ANKRD26: variants seen among roughly 807,000 people sequenced by gnomAD.
The protein encoded by ANKRD26 is ankyrin repeat domain-containing protein 26.
A neutral mutation model predicts 208.7 loss-of-function variants in ANKRD26; 141 were observed. The ratio of observed to expected loss-of-function variants is 0.68; its 90% confidence interval spans 0.59 to 0.78. The LOEUF (loss-of-function observed/expected upper bound fraction) is 0.78, where lower values mean the gene tolerates loss of function less well. ANKRD26 is among the 30% of genes least tolerant of loss of function. ANKRD26 has a pLI of 0.00. For missense variants in ANKRD26, 1,889 were observed against 1,938.7 expected (o/e 0.97, Z 0.48); for synonymous variants, 636 against 660.4 (o/e 0.96, Z 0.57).
the ANKRD26 span, among the ~76,000 whole-genome samples, chr10:26,962,444 G>A: frequency 5.9e-5 from 9 of 151,910 alleles, no homozygotes; most frequent in Middle Eastern, 3.4e-3. Context: ...GCGTGGTGGC[G>A]GGTGCCTGTA....
the ANKRD26 span, among the ~76,000 whole-genome samples, chr10:26,951,520 ATAC>A: frequency 2.6e-5 from 4 of 152,204 alleles, no homozygotes; most frequent in African/African-American, 9.7e-5. Flanking sequence ...CTCACCTTTT[ATAC>A]TACATTTTAT....
At chr10:26,958,908 G>A in the ANKRD26 span, among the ~76,000 whole-genome samples, 1 of 152,168 alleles carries the variant, frequency 6.6e-6, no homozygotes, top group Admixed American at 6.5e-5. Flanking sequence ...AATAGTTGAA[G>A]TATTGACACT....
At chr10:27,094,623 T>C (rs1487681956) in intron 1 of ANKRD26, among the ~76,000 whole-genome samples, 1 of 152,258 alleles carries the variant, frequency 6.6e-6, no homozygotes, top group African/African-American at 2.4e-5. Context: ...AATTGTTAGA[T>C]ATAATTACCA....
chr10:27,070,535 G>A (rs2135523376), intron 9 of ANKRD26, among the ~76,000 whole-genome samples: 1 of 152,318 alleles, frequency 6.6e-6, no homozygotes, highest in South Asian at 2.1e-4. Flanking sequence ...AGGATTCTGA[G>A]TTTTAGAGAT....
intron 25 of ANKRD26, among the ~76,000 whole-genome samples, chr10:27,032,026 T>G (rs2053878493): frequency 6.6e-6 from 1 of 152,194 alleles, no homozygotes; most frequent in Non-Finnish European, 1.5e-5. Context: ...CCATTAAACA[T>G]TATCCTCTAA....
chr10:27,039,860 GT>G, intron 21 of ANKRD26, 104 bp downstream of exon 21: 2 of 1,063,688 alleles, frequency 1.9e-6, no homozygotes, highest in Non-Finnish European at 2.8e-6. Context: ...AGACTAAGAA[GT>G]TTTCTTCCCT....
intron 5 of ANKRD26, among the ~76,000 whole-genome samples, chr10:27,084,190 C>T (rs1409193843): frequency 2.8e-5 from 4 of 143,998 alleles, no homozygotes; most frequent in South Asian, 4.3e-4. Context: ...TGCACTCCAG[C>T]CTGGGCAACA....
intron 3 of ANKRD26, among the ~76,000 whole-genome samples, chr10:26,985,008 C>T (rs1479360350): frequency 6.6e-6 from 1 of 152,162 alleles, no homozygotes; most frequent in East Asian, 1.9e-4. Flanking sequence ...GGGGACTTCA[C>T]AGAGTGGAAT....
chr10:27,077,162 G>C, intron 9 of ANKRD26, 176 bp downstream of exon 9: 1 of 618,364 alleles, frequency 1.6e-6, no homozygotes, highest in South Asian at 2.0e-5. Context: ...ATGATCAAGT[G>C]GGTTTCATTT....
chr10:27,067,619 G>A (rs1589322433), intron 9 of ANKRD26, among the ~76,000 whole-genome samples: 2 of 152,212 alleles, frequency 1.3e-5, no homozygotes, highest in Admixed American at 1.3e-4. Context: ...GAGCAAGGTG[G>A]GGAGGTGCTG....
the ANKRD26 span, among the ~76,000 whole-genome samples, chr10:26,950,369 CAATT>C: frequency 6.6e-6 from 1 of 152,114 alleles, no homozygotes; most frequent in Non-Finnish European, 1.5e-5. Context: ...AACTGTGAGT[CAATT>C]AAACCTTCCT....
chr10:27,060,110 G>A (rs1411144934), intron 15 of ANKRD26, among the ~76,000 whole-genome samples: 1 of 152,026 alleles, frequency 6.6e-6, no homozygotes, highest in African/African-American at 2.4e-5. Context: ...GGCTGAGGCA[G>A]GAGAATCACT....
the ANKRD26 span, among the ~76,000 whole-genome samples, chr10:26,965,301 A>C: frequency 8.5e-5 from 13 of 152,210 alleles, no homozygotes; most frequent in African/African-American, 2.9e-4. Flanking sequence ...CCAATGGAAC[A>C]GAACAGAGCC....
At chr10:26,951,022 T>C in the ANKRD26 span, among the ~76,000 whole-genome samples, 1 of 67,528 alleles carries the variant, frequency 1.5e-5, no homozygotes, top group African/African-American at 3.3e-5. Flanking sequence ...TCTTTTTCTT[T>C]TTTTTTTTTT....
At chr10:26,999,819 A>C (rs2052680961), downstream of ANKRD26, among the ~76,000 whole-genome samples, 1 of 151,786 alleles carries the variant, frequency 6.6e-6, no homozygotes, top group Non-Finnish European at 1.5e-5. Flanking sequence ...AAAAAAAAAA[A>C]AAAAAAAACC....
the ANKRD26 span, among the ~76,000 whole-genome samples, chr10:26,954,785 G>C: frequency 3.3e-5 from 5 of 152,028 alleles, no homozygotes; most frequent in Admixed American, 2.0e-4. Flanking sequence ...AGAATCTAAA[G>C]CATGTTCAAA....
intron 21 of ANKRD26, among the ~76,000 whole-genome samples, chr10:27,038,927 T>C (rs573484872): frequency 6.6e-6 from 1 of 152,278 alleles, no homozygotes; most frequent in Non-Finnish European, 1.5e-5. Flanking sequence ...TTTATGTTTC[T>C]TTTTTCTGGT....
chr10:26,991,779 C>T (rs1335331319), downstream of ANKRD26: 1 of 152,170 alleles, frequency 6.6e-6, no homozygotes, highest in African/African-American at 2.4e-5. Flanking sequence ...AAAATGGTTG[C>T]ATCCTATTGA....
intron 11 of ANKRD26, chr10:27,066,258 C>A: frequency 3.1e-6 from 1 of 318,660 alleles, no homozygotes; most frequent in Non-Finnish European, 5.6e-6. Context: ...TTTTTTTTTG[C>A]ACTATCCTTC....
Sources: allele counts gnomAD v4.1 joint callset (sites outside exome capture counted in the v4.1 genomes callset), GRCh38; gene constraint gnomAD v4.1.1; transcripts MANE v1.5; gene names NCBI Gene and HGNC (gene_info 2026-07-23, HGNC 2026-07-21).